EXD1: variants seen among roughly 807,000 people sequenced by gnomAD.
The protein encoded by EXD1 is exonuclease 3'-5' domain containing 1.
In EXD1, 63 loss-of-function variants were observed where a neutral mutation model predicts 49.1. The observed-to-expected ratio is 1.28, with a 90% CI of 1.05 to 1.58. EXD1 has a LOEUF of 1.58. EXD1 is among the 40% of genes most tolerant of loss of function. The probability of loss-of-function intolerance (pLI) is 0.00; values close to 1 mark genes in which losing one functional copy is unlikely to be tolerated. For synonymous variants in EXD1, 234 were observed against 239.2 expected (o/e 0.98, Z 0.20); for missense variants, 748 against 666.0 (o/e 1.12, Z -1.36).
chr15:41,191,495 G>T lies in EXD1; in HGVS notation c.811C>A (p.Gln271Lys). 6.2e-7 allele frequency: 1 copy of T among 1,613,360 alleles called. No homozygotes were observed. The highest frequency in any genetic ancestry group is 8.5e-7 in the Non-Finnish European group (1 of 1,179,392). Reference sequence around the variant, plus strand: ...AAGGAGAGATATTTAGGGGCTACTTGAAGGTGTTTGATTAAACTCTCCTGC... The same window carrying T: ...AAGGAGAGATATTTAGGGGCTACTTTAAGGTGTTTGATTAAACTCTCCTGC... ...TLQESLIKHL[Q>K]VAPKYLSFLE... The change falls in exon 10 of 12, where the codon CAA becomes AAA. Residue 271 changes from glutamine to lysine, a missense_variant. By Grantham distance (53) the Gln-to-Lys change is moderately conservative. Transcript: ENST00000458580.
In EXD1 at chr15:41,191,605, C is replaced by T; in HGVS notation, c.721-20G>A. 6.2e-7 allele frequency: 1 copy of T among 1,611,706 alleles called. No individual in the cohort carries two copies. On this transcript the variant is annotated intron_variant, in intron 9 of 11. Coordinates refer to ENST00000458580, the MANE Select transcript of EXD1 (RefSeq NM_001286441.2). Reference sequence around the variant, plus strand: ...TGCTACCTGTGGTATTTTAAAAAGACAAACAGACCAGTTGAATATATACAG... The same window carrying T: ...TGCTACCTGTGGTATTTTAAAAAGATAAACAGACCAGTTGAATATATACAG...
intron 6 of EXD1, among the ~76,000 whole-genome samples, chr15:41,214,506 C>T (rs2046971793): frequency 7.0e-6 from 1 of 143,834 alleles, no homozygotes; most frequent in Admixed American, 6.7e-5. Context: ...AGGCGAGACT[C>T]CATCTCAAAA....
chr15:41,218,827 A>G (rs1245828742), intron 3 of EXD1, among the ~76,000 whole-genome samples: 1 of 152,228 alleles, frequency 6.6e-6, no homozygotes, highest in African/African-American at 2.4e-5. Context: ...CCAGACTTGT[A>G]TTCCCTGAAG....
intron 2 of EXD1, among the ~76,000 whole-genome samples, chr15:41,220,274 CTT>C (rs35333634): frequency 6.9e-5 from 10 of 144,762 alleles, no homozygotes; most frequent in Admixed American, 7.0e-5. Context: ...CAGCCTGCAA[CTT>C]TTTTTTTTTT....
chr15:41,216,807 A>C lies in EXD1; in HGVS notation c.261-12T>G. Reference sequence around the variant, plus strand: ...TTTCTGCATGTAGACTATCCTTACAAGAAACAATATTTGGGTGAACTTGTT... The same window carrying C: ...TTTCTGCATGTAGACTATCCTTACACGAAACAATATTTGGGTGAACTTGTT... On this transcript the variant is annotated splice_polypyrimidine_tract_variant and intron_variant, in intron 4 of 11. Coordinates refer to ENST00000458580, the MANE Select transcript of EXD1 (RefSeq NM_001286441.2). 1 of 1,610,908 alleles carries C rather than the reference A, an allele frequency of 6.2e-7. No homozygotes were observed.
chr15:41,210,760 T>C (rs2046910111), intron 6 of EXD1, among the ~76,000 whole-genome samples: 1 of 152,236 alleles, frequency 6.6e-6, no homozygotes, highest in African/African-American at 2.4e-5. Flanking sequence ...TATACAATTC[T>C]ATAATCCTTA....
At chr15:41,220,472 A>G (rs1439068628) in intron 2 of EXD1, among the ~76,000 whole-genome samples, 1 of 152,034 alleles carries the variant, frequency 6.6e-6, no homozygotes, top group Admixed American at 6.6e-5. Context: ...GTTAGCCAGG[A>G]TTGGCTCGAT....
intron 6 of EXD1, among the ~76,000 whole-genome samples, chr15:41,213,501 T>TTTTTGTTTTGTTTTGTTTTG (rs371124639): frequency 0.021 from 3,222 of 150,430 alleles, 109 homozygotes; most frequent in African/African-American, 0.069. Flanking sequence ...GTCCAGCCAG[T>TTTTTGTTTTGTTTTGTTTTG]TTTTGTTTTG....
At chr15:41,196,091 G>T in intron 7 of EXD1, 54 bp from the exon 8 acceptor site, 3 of 1,354,454 alleles carry the variant, frequency 2.2e-6, no homozygotes, top group South Asian at 1.4e-5. Context: ...AACTGAGGAA[G>T]GGAAATTTGA....
Position 41,197,229 on chromosome 15 carries a change from C to CT in EXD1, c.535-1193dup, listed in dbSNP as rs976999245. ...CACAATCACTGTGATTTTCTTTTTT[C>CT]TTTTTTTTTTTTTTTTGAGACGGAG... On this transcript the variant is annotated intron_variant, in intron 7 of 11. Coordinates refer to ENST00000458580, the MANE Select transcript of EXD1 (RefSeq NM_001286441.2). Among the ~76,000 whole-genome samples the CT allele has an allele frequency of 2.5e-3, 334 of 133,158 alleles. 1 individual carries two copies. Among genetic ancestry groups the CT allele is most frequent in the East Asian group, 6.0e-3 (27 of 4,504 alleles). The allele number at this position is 133,158 out of a possible 152,430, so 87.4% of individuals were successfully genotyped here. A position where few individuals can be genotyped will look rare whatever the true frequency, so the allele number is the denominator to read the frequency against.
At chr15:41,199,730 G>T (rs371820651) in intron 7 of EXD1, among the ~76,000 whole-genome samples, 1 of 33,492 alleles carries the variant, frequency 3.0e-5, no homozygotes, top group African/African-American at 7.1e-5. Context: ...TATTATATAT[G>T]ATATATATGT....
At chr15:41,204,547 T>C (rs562025363) in intron 7 of EXD1, among the ~76,000 whole-genome samples, 2 of 151,538 alleles carry the variant, frequency 1.3e-5, no homozygotes, top group Admixed American at 6.6e-5. Flanking sequence ...CAAGATTCCA[T>C]CTCAAAAACA....
intron 6 of EXD1, among the ~76,000 whole-genome samples, chr15:41,210,864 C>T (rs1429227277): frequency 2.0e-5 from 3 of 152,124 alleles, no homozygotes; most frequent in Non-Finnish European, 4.4e-5. Flanking sequence ...TAGTAATTTA[C>T]ACTAGCAACA....
intron 9 of EXD1, 51 bp downstream of exon 9, chr15:41,195,724 T>C: frequency 9.0e-6 from 13 of 1,437,730 alleles, no homozygotes; most frequent in Non-Finnish European, 1.1e-5. Context: ...AGCCCTTTTA[T>C]CTACAGGAGC....
intron 2 of EXD1, among the ~76,000 whole-genome samples, chr15:41,225,009 G>GT (rs1566996333): frequency 6.6e-6 from 1 of 152,020 alleles, no homozygotes; most frequent in Non-Finnish European, 1.5e-5. Flanking sequence ...GCATTTGCCT[G>GT]TTCTTGAGCT....
chr15:41,188,643 C>T (rs966662292), intron 11 of EXD1, among the ~76,000 whole-genome samples: 9 of 151,888 alleles, frequency 5.9e-5, no homozygotes, highest in East Asian at 1.9e-4. Context: ...TCACCAGCCT[C>T]GGCCTCCCAA....
At chr15:41,192,865 G>C (rs572054959) in intron 9 of EXD1, among the ~76,000 whole-genome samples, 2 of 146,336 alleles carry the variant, frequency 1.4e-5, no homozygotes, top group Admixed American at 7.1e-5. Context: ...GCGCGATCTC[G>C]GCTCACTGCA....
intron 2 of EXD1, among the ~76,000 whole-genome samples, chr15:41,222,242 C>A (rs1201260247): frequency 6.6e-6 from 1 of 152,200 alleles, no homozygotes; most frequent in Admixed American, 6.5e-5. Flanking sequence ...TGGTGAAACC[C>A]CATCTCTACT....
chr15:41,219,711 AG>A, intron 3 of EXD1, 118 bp downstream of exon 3: 1 of 763,708 alleles, frequency 1.3e-6, no homozygotes. Flanking sequence ...AGCAGTAAGA[AG>A]GATCAATTCT....
Sources: allele counts gnomAD v4.1 joint callset (sites outside exome capture counted in the v4.1 genomes callset), GRCh38; gene constraint gnomAD v4.1.1; transcripts MANE v1.5; gene names NCBI Gene and HGNC (gene_info 2026-07-23, HGNC 2026-07-21).